HYDIN: variants seen among roughly 807,000 people sequenced by gnomAD.
HYDIN encodes the protein axonemal central pair apparatus protein HYDIN.
A neutral mutation model predicts 403.9 loss-of-function variants in HYDIN; 132 were observed. The observed-to-expected ratio is 0.33, with a 90% CI of 0.28 to 0.38. The LOEUF is 0.38. Ranked by LOEUF, HYDIN falls within the 10% of genes least tolerant of loss-of-function variation. HYDIN has a pLI of 1.00. For missense variants in HYDIN, 2,827 were observed against 5,009.5 expected (o/e 0.56, Z 13.15); for synonymous variants, 1,202 against 1,891.7 (o/e 0.64, Z 9.46).
chr16:70,974,391 C>T, intron 32 of HYDIN, 91 bp from the exon 33 acceptor site: 1 of 1,519,616 alleles, frequency 6.6e-7, no homozygotes, highest in East Asian at 2.3e-5. Context: ...GTCAGAATGA[C>T]TGCTCAGAGG....
intron 67 of HYDIN, chr16:70,865,181 G>A (rs923276823): frequency 4.5e-5 from 16 of 359,144 alleles, no homozygotes; most frequent in Non-Finnish European, 7.3e-5. Flanking sequence ...CTTCATTCTC[G>A]CTTCTTCACT....
At position 70,978,919 on chromosome 16, in the gene HYDIN, C is replaced by T. The variant is rs1567940950; in HGVS notation, c.4633G>A (p.Ala1545Thr). ...GCAGGCTGGAGCTGTCTTACCTCAG[C>T]AGGCTCGTCTTCTGGCACTTCCTCA... The part of the protein sequence containing the change: ...ITEEVPEDEP[A>T]EVSAHLQMEV... The change falls in exon 30 of 86, where the codon GCT (alanine) becomes ACT (threonine). Residue 1545 changes from alanine to threonine, a missense_variant. Coordinates refer to ENST00000393567, the MANE Select transcript of HYDIN (RefSeq NM_001270974.2). The T allele has an allele frequency of 1.2e-6, 2 of 1,613,446 alleles. No homozygotes were observed. The highest frequency in any genetic ancestry group is 1.7e-6 in the Non-Finnish European group (2 of 1,179,994).
At position 70,837,776 on chromosome 16, in the gene HYDIN, T is replaced by C. The variant is rs759293542; in HGVS notation, c.13156A>G (p.Ile4386Val). Residue 4386 changes from isoleucine (I) to valine (V), a missense_variant, in exon 77 of 86, where the codon ATC (isoleucine) becomes GTC (valine). By Grantham distance (29) the Ile-to-Val change is conservative. Coordinates refer to ENST00000393567, the MANE Select transcript of HYDIN (RefSeq NM_001270974.2). ...IPITFYPRESINYQELIPFEI... is the reference protein window; with the variant it reads ...IPITFYPRESVNYQELIPFEI... ...AAGGGAATGAGTTCTTGATAGTTGA[T>C]ACTTTCTCGAGGATAAAAAGTTATT... 5.0e-6 allele frequency: 8 copies of C among 1,613,838 alleles called. No homozygotes were observed. The East Asian group carries it at 1.8e-4, about 36-fold the overall frequency.
chr16:70,853,418 T>C (rs1597127349), intron 73 of HYDIN, among the ~76,000 whole-genome samples: 1 of 150,276 alleles, frequency 6.7e-6, no homozygotes, highest in East Asian at 1.9e-4. Context: ...TGAAAGTTTA[T>C]AGTAGCTTTA....
intron 18 of HYDIN, among the ~76,000 whole-genome samples, chr16:71,037,846 A>T (rs1343404733): frequency 6.6e-6 from 1 of 152,240 alleles, no homozygotes; most frequent in African/African-American, 2.4e-5. Context: ...TTGAGATCCT[A>T]AGGAGAGAAT....
At chr16:70,812,486 A>G (rs2035570603) in intron 84 of HYDIN, among the ~76,000 whole-genome samples, 1 of 151,850 alleles carries the variant, frequency 6.6e-6, no homozygotes, top group Non-Finnish European at 1.5e-5. Flanking sequence ...AGACTCTGTC[A>G]CAAACAAACA....
intron 18 of HYDIN, among the ~76,000 whole-genome samples, chr16:71,032,986 CTAA>C (rs2144164208): frequency 7.7e-6 from 1 of 129,642 alleles, no homozygotes; most frequent in East Asian, 2.1e-4. Flanking sequence ...GCTACTACAA[CTAA>C]TAATTAGGGA....
chr16:71,059,168 T>C (rs1055049141), intron 18 of HYDIN, among the ~76,000 whole-genome samples: 12 of 152,198 alleles, frequency 7.9e-5, no homozygotes, highest in Admixed American at 2.6e-4. Flanking sequence ...CATTTGTCAA[T>C]TTTTGTTTTT....
intron 1 of HYDIN, among the ~76,000 whole-genome samples, chr16:71,229,926 C>T (rs1294765301): frequency 2.0e-5 from 3 of 152,164 alleles, no homozygotes; most frequent in Admixed American, 2.0e-4. Flanking sequence ...GTAACTTAAT[C>T]ATGGGGGTGG....
intron 29 of HYDIN, among the ~76,000 whole-genome samples, chr16:70,980,899 G>A (rs2079026602): frequency 2.0e-5 from 3 of 152,140 alleles, no homozygotes; most frequent in South Asian, 4.1e-4. Flanking sequence ...ACTGGGAAAT[G>A]TAAGTGGGAA....
Position 70,872,061 on chromosome 16 carries a change from T to G in HYDIN, c.11067A>C (p.Ser3689=), listed in dbSNP as rs1306511207. Reference sequence around the variant, plus strand: ...CCTGTGGGGAGAAAGCAATTGTAGCTGAAACAGGCCATTCAAACCGTATCA... The same window carrying G: ...CCTGTGGGGAGAAAGCAATTGTAGCGGAAACAGGCCATTCAAACCGTATCA... The part of the protein sequence containing the change: ...VNLIRFEWPV[S]ATIAFSPQMG... The change falls in exon 65 of 86, where the codon TCA becomes TCC. Residue 3689 remains serine, a synonymous_variant. Transcript: ENST00000393567. 1 of 1,580,690 alleles carries G rather than the reference T, an allele frequency of 6.3e-7. No homozygotes were observed. Among genetic ancestry groups the G allele is most frequent in the Admixed American group, 1.9e-5 (1 of 52,586 alleles).
chr16:70,862,200 C>G lies in HYDIN; in HGVS notation c.11625G>C (p.Leu3875=), dbSNP rs753227250. The part of the protein sequence containing the change: ...SQGTMHTGST[L]DSTMDHWAEG... ...CGGCCCAGTGGTCCATGGTGCTGTC[C>G]AGGGTGCTGCCTGTATGCATCGTGC... Residue 3875 remains leucine (L), a synonymous_variant, in exon 69 of 86, where the codon CTG becomes CTC. Transcript: ENST00000393567. 5.6e-6 allele frequency: 9 copies of G among 1,613,740 alleles called. No individual in the cohort carries two copies. In the Admixed American group the frequency reaches 1.5e-4, roughly 27 times the overall value.
chr16:70,951,598 C>A (rs1007810880), intron 41 of HYDIN, among the ~76,000 whole-genome samples: 7 of 152,072 alleles, frequency 4.6e-5, no homozygotes, highest in Admixed American at 3.9e-4. Flanking sequence ...CCAAAGGAAG[C>A]CGGTTCTCTT....
At position 70,967,286 on chromosome 16, in the gene HYDIN, A is replaced by G. The variant is rs374467216; in HGVS notation, c.5620-2390T>C. On this transcript the variant is annotated intron_variant, in intron 36 of 85. Transcript: ENST00000393567. ...TGTTAGTAGGAATATTGATATTACT[A>G]TTTTGAAGCTATTTTATTAATTTAC... Among the ~76,000 whole-genome samples the G allele has an allele frequency of 8.9e-4, 135 of 152,080 alleles. 3 individuals carry two copies. In the East Asian group the frequency reaches 0.025, roughly 29 times the overall value.
chr16:71,067,212 C>A, intron 15 of HYDIN, 78 bp downstream of exon 15: 1 of 707,026 alleles, frequency 1.4e-6, no homozygotes, highest in Non-Finnish European at 2.4e-6. Context: ...GGTTGGCAGG[C>A]CAGCTGCCTT....
Position 71,045,517 on chromosome 16 carries a change from C to A in HYDIN, c.2530-13600G>T, listed in dbSNP as rs866058887. Among the ~76,000 whole-genome samples, 5 of 151,404 alleles carry A rather than the reference C, an allele frequency of 3.3e-5. No individual in the cohort carries two copies. In the East Asian group the frequency reaches 9.7e-4, roughly 29 times the overall value. ...TCATATTGTTTTCAAGTAATATGTA[C>A]CAATAATCTTTTAGGTTACTAGCTT... On this transcript the variant is annotated intron_variant, in intron 18 of 85. Transcript: ENST00000393567.
At chr16:71,086,269 C>G (rs1242200863) in intron 12 of HYDIN, among the ~76,000 whole-genome samples, 2 of 152,158 alleles carry the variant, frequency 1.3e-5, no homozygotes, top group Non-Finnish European at 2.9e-5. Context: ...GTCTAAGAAA[C>G]CCAAATACAT....
At position 70,805,410 on chromosome 16, in the gene HYDIN, C is replaced by A. The variant is rs563566307; in HGVS notation, c.*2170G>T. Among the ~76,000 whole-genome samples the A allele has an allele frequency of 2.0e-5, 3 of 152,308 alleles. No individual in the cohort carries two copies. The highest frequency in any genetic ancestry group is 4.8e-5 in the African/African-American group (2 of 41,546). ...CAGGTCCATAGGCCACTCCGAATAACCAGGAGGCTCGAGGCTTTAGAGTCG... is the reference window on the plus strand; with the variant it reads ...CAGGTCCATAGGCCACTCCGAATAAACAGGAGGCTCGAGGCTTTAGAGTCG... On this transcript the variant is annotated 3_prime_UTR_variant, in exon 86 of 86. Transcript: ENST00000393567.
At position 70,943,709 on chromosome 16, in the gene HYDIN, C is replaced by T. The variant is rs1175752480; in HGVS notation, c.6669+103G>A. The T allele has an allele frequency of 5.0e-5, 73 of 1,452,568 alleles. No individual in the cohort carries two copies. In the Admixed American group the frequency reaches 5.9e-4, roughly 12 times the overall value. The allele number at this position is 1,452,568 out of a possible 1,614,324, so 90.0% of individuals were successfully genotyped here. A position where few individuals can be genotyped will look rare whatever the true frequency, so the allele number is the denominator to read the frequency against. On this transcript the variant is annotated intron_variant, in intron 42 of 85. Coordinates refer to ENST00000393567, the MANE Select transcript of HYDIN (RefSeq NM_001270974.2). ...AGCAAACGACTGCCTTCCGGGCTGC[C>T]GAGCTGCCGTGGGTGGCTGATGGCC...
Sources: gnomAD v4.1 joint callset for allele counts (sites outside exome capture counted in the v4.1 genomes callset) on GRCh38, gnomAD v4.1.1 for gene constraint, MANE v1.5 for transcripts, NCBI Gene and HGNC (gene_info 2026-07-23, HGNC 2026-07-21) for gene names.